Variants in VAV2 observed in about 807,000 individuals in gnomAD.
VAV2 encodes guanine nucleotide exchange factor VAV2.
VAV2 carries 67 observed loss-of-function variants against 132.5 expected under a neutral mutation model. The ratio of observed to expected loss-of-function variants is 0.51; its 90% confidence interval spans 0.42 to 0.62. The LOEUF (loss-of-function observed/expected upper bound fraction) is 0.62, where lower values mean the gene tolerates loss of function less well. VAV2 is among the 20% of genes least tolerant of loss of function. The pLI, the probability that VAV2 is intolerant of heterozygous loss-of-function variation, is 0.00. For synonymous variants in VAV2, 492 were observed against 443.5 expected, an observed-to-expected ratio of 1.11 and a Z score of -1.37; for missense variants, 938 against 1,153.6, an observed-to-expected ratio of 0.81 and a Z score of 2.71.
At position 133,807,674 on chromosome 9, in the gene VAV2, C is replaced by T. The variant is rs145745451; in HGVS notation, c.667-348G>A. Among the ~76,000 whole-genome samples, 618 of 152,274 alleles carry T rather than the reference C, an allele frequency of 4.1e-3. 4 individuals carry two copies. The highest frequency in any genetic ancestry group is 9.9e-3 in the Admixed American group (152 of 15,298). Reference sequence around the variant, plus strand: ...AGACCCAGGAGGCAGGGCCATCACCCGTGGGGACTCTCTGGATGGACAGGG... The same window carrying T: ...AGACCCAGGAGGCAGGGCCATCACCTGTGGGGACTCTCTGGATGGACAGGG... On this transcript the variant is annotated intron_variant, in intron 7 of 29. Transcript: ENST00000371850.
intron 2 of VAV2, among the ~76,000 whole-genome samples, chr9:133,911,220 G>T (rs897147820): frequency 6.6e-6 from 1 of 152,204 alleles, no homozygotes; most frequent in African/African-American, 2.4e-5. Context: ...CACTCACTAA[G>T]CAAGTCCCAC....
chr9:133,807,380 AG>A (rs1232985702), intron 7 of VAV2, 54 bp from the exon 8 acceptor site: 1 of 1,530,622 alleles, frequency 6.5e-7, no homozygotes, highest in African/African-American at 1.4e-5. Flanking sequence ...CACCCTCTCA[AG>A]GTCACAGCTG....
At chr9:133,858,600 T>TAA (rs955252676) in intron 3 of VAV2, among the ~76,000 whole-genome samples, 12 of 152,234 alleles carry the variant, frequency 7.9e-5, no homozygotes, top group Admixed American at 6.5e-4. Flanking sequence ...CACACCCTGC[T>TAA]ACTGTCACTG....
In VAV2 at chr9:133,795,752, G is replaced by T; in HGVS notation, c.1033-16C>A. 6.2e-7 allele frequency: 1 copy of T among 1,612,922 alleles called. No individual in the cohort carries two copies. ...TCAGAAGCTCCTGGAAGGGTGAGAA[G>T]AGTGTCATGTGTTACCACTCGGGGG... On this transcript the variant is annotated splice_polypyrimidine_tract_variant and intron_variant, in intron 11 of 29. Coordinates refer to ENST00000371850, the MANE Select transcript of VAV2 (RefSeq NM_001134398.2).
At chr9:133,839,570 C>A (rs3003584) in intron 3 of VAV2, among the ~76,000 whole-genome samples, 6 of 151,860 alleles carry the variant, frequency 4.0e-5, no homozygotes, top group African/African-American at 1.5e-4. Context: ...CCTGTCTCAG[C>A]CTCCAAGTAG....
intron 2 of VAV2, among the ~76,000 whole-genome samples, chr9:133,924,962 C>T (rs987362974): frequency 1.1e-4 from 16 of 152,190 alleles, no homozygotes. Context: ...AAGAAGCCGA[C>T]GCTAAAGGCC....
chr9:133,867,180 G>A (rs1242834936), intron 2 of VAV2, among the ~76,000 whole-genome samples: 1 of 151,698 alleles, frequency 6.6e-6, no homozygotes, highest in Non-Finnish European at 1.5e-5. Context: ...GCAGGCGTCT[G>A]TCCACATAGG....
rs531752439 is a variant in VAV2 at position 133,861,409 on chromosome 9, G to A, written c.345C>T (p.Leu115=). The change falls in exon 3 of 30, where the codon CTC becomes CTT. Residue 115 remains leucine, a synonymous_variant. Coordinates refer to ENST00000371850, the MANE Select transcript of VAV2 (RefSeq NM_001134398.2). ...FGKVISAVSR[L]SLHSIAQNKG... ...TGTTCTGCGCGATGCTGTGCAGGGA[G>A]AGCCTCGACACCGCGGAGATGACCT... 65 of 1,613,606 alleles carry A rather than the reference G, an allele frequency of 4.0e-5. No individual in the cohort carries two copies. In the South Asian group the frequency reaches 6.6e-4, roughly 16 times the overall value.
chr9:133,765,100 T>C (rs1380001174), intron 29 of VAV2, among the ~76,000 whole-genome samples: 5 of 152,194 alleles, frequency 3.3e-5, no homozygotes, highest in Admixed American at 2.6e-4. Context: ...AAGAAAGTTT[T>C]CCTTACAGTA....
chr9:133,972,570 G>C (rs112640855), intron 1 of VAV2, among the ~76,000 whole-genome samples: 1 of 152,214 alleles, frequency 6.6e-6, no homozygotes, highest in Admixed American at 6.5e-5. Context: ...GCCCCCCTGA[G>C]AAACATCTCC....
rs181217996 is a variant in VAV2 at position 133,911,462 on chromosome 9, G to A, written c.321+27641C>T. On this transcript the variant is annotated intron_variant, in intron 2 of 29. Transcript: ENST00000371850. ...CTCTATGGAGGTATGATCCACAGAC[G>A]ATAAGCTGCACACCCTCCAGAGAGT... 1.3e-3 allele frequency among the ~76,000 whole-genome samples: 194 copies of A among 152,260 alleles called. 1 individual carries two copies. Among genetic ancestry groups the A allele is most frequent in the Non-Finnish European group, 2.4e-3 (165 of 68,014 alleles).
At position 133,932,434 on chromosome 9, in the gene VAV2, G is replaced by A. The variant is rs549407866; in HGVS notation, c.321+6669C>T. ...TGAGCCAAAACCTAATCTCTTTAAT[G>A]CAACCCTTTGAAAAAAATACCAGGA... On this transcript the variant is annotated intron_variant, in intron 2 of 29. Transcript: ENST00000371850. Among the ~76,000 whole-genome samples the A allele has an allele frequency of 3.3e-5, 5 of 152,300 alleles. No homozygotes were observed. In the East Asian group the frequency reaches 9.6e-4, roughly 29 times the overall value.
chr9:133,985,747 C>A (rs973364698), intron 1 of VAV2, among the ~76,000 whole-genome samples: 7 of 152,162 alleles, frequency 4.6e-5, no homozygotes, highest in Admixed American at 4.6e-4. Context: ...ATTCACATGT[C>A]CTCTGCAGCT....
rs1224875294 is a variant in VAV2, at chr9:133,879,695, C to T, written c.322-18263G>A. 1.3e-5 allele frequency among the ~76,000 whole-genome samples: 2 copies of T among 152,180 alleles called. No individual in the cohort carries two copies. The highest frequency in any genetic ancestry group is 2.9e-5 in the Non-Finnish European group (2 of 68,034). The stretch of plus-strand genomic sequence containing the variant: ...GCTCAGATGAACCACCAAGAACCTG[C>T]TCTCCCTTCCAAAGCAGAACCTATC... On this transcript the variant is annotated intron_variant, in intron 2 of 29. Transcript: ENST00000371850. This position sits in a 1 kb window ranked among gnomAD's most constrained non-coding sequence, Gnocchi z 4.4.
chr9:133,985,100 C>T (rs947055015), intron 1 of VAV2, among the ~76,000 whole-genome samples: 1 of 152,050 alleles, frequency 6.6e-6, no homozygotes, highest in Non-Finnish European at 1.5e-5. Flanking sequence ...CATATGGATA[C>T]AGAGACACAT....
intron 2 of VAV2, among the ~76,000 whole-genome samples, chr9:133,890,891 G>A (rs2519769): frequency 0.98 from 149,697 of 152,112 alleles, 73,701 homozygotes; most frequent in East Asian, 1. Flanking sequence ...ACTACGGAGG[G>A]GCATCTCTCT....
intron 5 of VAV2, among the ~76,000 whole-genome samples, chr9:133,811,453 C>T (rs774581837): frequency 1.3e-5 from 2 of 152,234 alleles, no homozygotes; most frequent in Admixed American, 6.5e-5. Context: ...CAAGTGGCAT[C>T]TCACCCACTC....
At chr9:133,855,405 A>G (rs780509552) in intron 3 of VAV2, among the ~76,000 whole-genome samples, 1 of 152,256 alleles carries the variant, frequency 6.6e-6, no homozygotes, top group Non-Finnish European at 1.5e-5. Context: ...TCAAGGACGC[A>G]GCCCTCACCA....
chr9:133,834,397 G>T lies in VAV2; in HGVS notation c.381-57C>A. 7 of 1,567,758 alleles carry T rather than the reference G, an allele frequency of 4.5e-6. No individual in the cohort carries two copies. Among genetic ancestry groups the T allele is most frequent in the Non-Finnish European group, 6.1e-6 (7 of 1,150,864 alleles). On this transcript the variant is annotated intron_variant, in intron 3 of 29. Coordinates refer to ENST00000371850, the MANE Select transcript of VAV2 (RefSeq NM_001134398.2). This position sits in a 1 kb window ranked among gnomAD's most constrained non-coding sequence, Gnocchi z 5.9. ...AGGTCCCGGCACTGCCGGCCAGTGG[G>T]ACCCCAGCTGGACCCCACAGCAGAG... is the stretch of plus-strand genomic sequence containing the variant.
Sources: gnomAD v4.1 joint callset for allele counts (sites outside exome capture counted in the v4.1 genomes callset) on GRCh38, gnomAD v4.1.1 for gene constraint, Gnocchi (gnomAD v3.1) non-coding constraint, MANE v1.5 for transcripts, NCBI Gene and HGNC (gene_info 2026-07-23, HGNC 2026-07-21) for gene names.